Variants in DIP2C observed in about 807,000 individuals in gnomAD.
DIP2C encodes DIP2 acetate--CoA ligase C (putative), also known as disco-interacting protein 2 homolog C.
DIP2C carries 33 observed loss-of-function variants against 192.4 expected under a neutral mutation model. The observed-to-expected ratio is 0.17, with a 90% CI of 0.13 to 0.23. The LOEUF (loss-of-function observed/expected upper bound fraction) is 0.23, where lower values mean the gene tolerates loss of function less well. Among genes scored for constraint, DIP2C ranks in the 10% least tolerant of loss-of-function variants. DIP2C has a pLI of 1.00. For synonymous variants in DIP2C, 979 were observed against 864.1 expected, an observed-to-expected ratio of 1.13 and a Z score of -2.33; for missense variants, 1,537 against 2,110.1, an observed-to-expected ratio of 0.73 and a Z score of 5.32.
At chr10:626,633 G>A (rs539311273) in intron 1 of DIP2C, among the ~76,000 whole-genome samples, 4 of 152,084 alleles carry the variant, frequency 2.6e-5, no homozygotes, top group African/African-American at 4.8e-5. Context: ...GAGGCATTCC[G>A]GCCTATTCAG....
rs771102737 is a variant in DIP2C at position 366,295 on chromosome 10, T to C, written c.2248A>G (p.Met750Val). The C allele has an allele frequency of 1.2e-6, 2 of 1,613,696 alleles. No individual in the cohort carries two copies. The highest frequency in any genetic ancestry group is 1.7e-6 in the Non-Finnish European group (2 of 1,179,826). ...TGTSYYGLSG[M>V]TKNTFEVFPM... ...CCTACCTCAAAGGTGTTCTTGGTCA[T>C]GCCAGAGAGGCCATAGTAGGACGTG... Residue 750 changes from methionine to valine, a missense_variant, in exon 19 of 37, where the codon ATG becomes GTG. Around this residue, in one of 4 missense-constraint regions of DIP2C, gnomAD observed 677 missense variants for 989.9 expected, o/e 0.68. Coordinates refer to ENST00000280886, the MANE Select transcript of DIP2C (RefSeq NM_014974.3).
At chr10:318,639 G>A (rs1249818716) in intron 31 of DIP2C, among the ~76,000 whole-genome samples, 1 of 152,216 alleles carries the variant, frequency 6.6e-6, no homozygotes, top group African/African-American at 2.4e-5. Flanking sequence ...AAAGCTGGCT[G>A]ACGTGCAGGA....
rs78792722 is a variant in DIP2C at position 619,848 on chromosome 10, G to A, written c.85+69646C>T. On this transcript the variant is annotated intron_variant, in intron 1 of 36. Coordinates refer to ENST00000280886, the MANE Select transcript of DIP2C (RefSeq NM_014974.3). Reference sequence around the variant, plus strand: ...GCAGCTCCCGTGTTGGGAGGCACCCGCCCGTGGATGGGTTCCCTGTACTTT... The same window carrying A: ...GCAGCTCCCGTGTTGGGAGGCACCCACCCGTGGATGGGTTCCCTGTACTTT... Among the ~76,000 whole-genome samples, 20 of 152,262 alleles carry A rather than the reference G, an allele frequency of 1.3e-4. 1 individual carries two copies. In the East Asian group the frequency reaches 3.1e-3, roughly 24 times the overall value.
At chr10:346,486 G>C (rs576061517) in intron 26 of DIP2C, among the ~76,000 whole-genome samples, 24 of 119,312 alleles carry the variant, frequency 2.0e-4, no homozygotes, top group African/African-American at 7.7e-4. Context: ...AGTTCTCCCG[G>C]AAACCCCACA....
At chr10:475,600 C>T (rs189014249) in intron 2 of DIP2C, among the ~76,000 whole-genome samples, 144 of 152,164 alleles carry the variant, frequency 9.5e-4, no homozygotes, top group South Asian at 1.2e-3. Flanking sequence ...ATACCATCCT[C>T]GTGAATATCT....
intron 1 of DIP2C, among the ~76,000 whole-genome samples, chr10:511,278 G>A (rs760747637): frequency 2.6e-5 from 4 of 152,070 alleles, no homozygotes; most frequent in East Asian, 1.9e-4. Flanking sequence ...CCAATCCAGC[G>A]GCTTCCTCCA....
rs115097309 is a variant in DIP2C at position 383,814 on chromosome 10, C to T, written c.1876+213G>A. Among the ~76,000 whole-genome samples, 1,017 of 152,174 alleles carry T rather than the reference C, an allele frequency of 6.7e-3. 14 individuals carry two copies. The highest frequency in any genetic ancestry group is 0.021 in the African/African-American group (864 of 41,506). On this transcript the variant is annotated intron_variant, in intron 16 of 36. Coordinates refer to ENST00000280886, the MANE Select transcript of DIP2C (RefSeq NM_014974.3). ...CAAATGCCTGTCCTTATTATGCCAT[C>T]GTACCTCTTGGCCCGAGTGAGTGAT...
At chr10:472,335 G>C (rs1970697230) in intron 3 of DIP2C, 104 bp downstream of exon 3, 3 of 1,047,240 alleles carry the variant, frequency 2.9e-6, no homozygotes, top group Admixed American at 2.0e-5. Flanking sequence ...GCGTGCTGCA[G>C]GTCCACGCCC....
At position 399,142 on chromosome 10, in the gene DIP2C, G is replaced by T. The variant is rs759385817; in HGVS notation, c.1227C>A (p.Val409=). ...TGAGCGGCACCTCGATGGGCACGGG[G>T]ACCACCTCGGCCAGCAGGCAGCCGT... is the stretch of plus-strand genomic sequence containing the variant. ...AFYGCLLAEV[V]PVPIEVPLTR... The change falls in exon 10 of 37, where the codon GTC becomes GTA. Residue 409 remains valine, a synonymous_variant. Coordinates refer to ENST00000280886, the MANE Select transcript of DIP2C (RefSeq NM_014974.3). 1 of 1,613,934 alleles carries T rather than the reference G, an allele frequency of 6.2e-7. No individual in the cohort carries two copies. The highest frequency in any genetic ancestry group is 1.3e-5 in the African/African-American group (1 of 75,054).
intron 1 of DIP2C, among the ~76,000 whole-genome samples, chr10:560,182 T>TC (rs2130991843): frequency 6.6e-6 from 1 of 152,054 alleles, no homozygotes; most frequent in South Asian, 2.1e-4. Context: ...CCACTGATCA[T>TC]CCCTCCACGC....
intron 1 of DIP2C, among the ~76,000 whole-genome samples, chr10:497,735 G>A (rs543777335): frequency 2.6e-5 from 4 of 152,304 alleles, no homozygotes; most frequent in South Asian, 2.1e-4. Flanking sequence ...GGCTAGTTCC[G>A]CCATACAGAT....
At chr10:596,136 A>G (rs1372315443) in intron 1 of DIP2C, among the ~76,000 whole-genome samples, 1 of 152,196 alleles carries the variant, frequency 6.6e-6, no homozygotes, top group African/African-American at 2.4e-5. Context: ...AGTGCTATGA[A>G]AAGCTGAAAG....
intron 28 of DIP2C, among the ~76,000 whole-genome samples, chr10:343,261 C>A (rs1483672142): frequency 6.6e-6 from 1 of 152,216 alleles, no homozygotes; most frequent in Non-Finnish European, 1.5e-5. Flanking sequence ...TGCACTCCAG[C>A]CTGGGCAACA....
Position 689,498 on chromosome 10 carries a change from C to G in DIP2C, c.81G>C (p.Ser27=), listed in dbSNP as rs1260811360. ...ARLAELELEL[S]EGDITQKGYE... is the part of the protein sequence containing the mutation. ...CCGGGGCGGGGGCCCGGTTACCTTC[C>G]GACAGCTCCAGCTCCAGCTCGGCCA... The change falls in exon 1 of 37, where the codon TCG becomes TCC. Residue 27 remains serine, a synonymous_variant. Coordinates refer to ENST00000280886, the MANE Select transcript of DIP2C (RefSeq NM_014974.3). The surrounding 1 kb of genome is among the most constrained non-coding windows in gnomAD (Gnocchi z 6.1). 3.2e-6 allele frequency: 4 copies of G among 1,265,384 alleles called. No individual in the cohort carries two copies. The highest frequency in any genetic ancestry group is 1.6e-5 in the South Asian group (1 of 62,102). The allele number at this position is 1,265,384 out of a possible 1,614,324, so 78.4% of individuals were successfully genotyped here.
Position 288,340 on chromosome 10 carries a change from C to T in DIP2C, c.4044+24G>A, listed in dbSNP as rs149813943. ...TCAGAAGCGAACGGATACAGAAATG[C>T]GTGCCTCTTCCTATAATACTTACCT... is the stretch of plus-strand genomic sequence containing the variant. On this transcript the variant is annotated intron_variant, in intron 33 of 36. Coordinates refer to ENST00000280886, the MANE Select transcript of DIP2C (RefSeq NM_014974.3). The T allele has an allele frequency of 1.8e-4, 291 of 1,607,646 alleles. 1 individual carries two copies. The African/African-American group carries it at 2.6e-3, about 14-fold the overall frequency.
chr10:634,122 C>G (rs1854688453), intron 1 of DIP2C, among the ~76,000 whole-genome samples: 1 of 152,194 alleles, frequency 6.6e-6, no homozygotes, highest in African/African-American at 2.4e-5. Context: ...GCCTAATCAT[C>G]AGAAAGAGCC....
chr10:581,963 T>C (rs1453439761), intron 1 of DIP2C, among the ~76,000 whole-genome samples: 1 of 152,008 alleles, frequency 6.6e-6, no homozygotes, highest in African/African-American at 2.4e-5. Context: ...CCGTTCCACC[T>C]CAGGTCAGGC....
At chr10:289,471 T>C (rs1955363418) in intron 32 of DIP2C, among the ~76,000 whole-genome samples, 1 of 152,166 alleles carries the variant, frequency 6.6e-6, no homozygotes, top group Non-Finnish European at 1.5e-5. Flanking sequence ...TCTCACTATG[T>C]TGCTTAGGCT....
At chr10:447,495 A>C (rs1968351538) in intron 3 of DIP2C, among the ~76,000 whole-genome samples, 1 of 149,370 alleles carries the variant, frequency 6.7e-6, no homozygotes, top group African/African-American at 2.5e-5. Flanking sequence ...GATCACACAC[A>C]GTGGGGCAGC....
Sources: allele counts gnomAD v4.1 joint callset (sites outside exome capture counted in the v4.1 genomes callset), GRCh38; gene constraint gnomAD v4.1.1; regional missense constraint gnomAD v4.1.1; non-coding constraint Gnocchi (gnomAD v3.1); transcripts MANE v1.5; gene names NCBI Gene and HGNC (gene_info 2026-07-23, HGNC 2026-07-21).